Variants in PDSS2 observed in about 807,000 individuals in gnomAD.
The protein encoded by PDSS2 is all trans-polyprenyl-diphosphate synthase PDSS2.
PDSS2 carries 31 observed loss-of-function variants against 44.5 expected under a neutral mutation model. That is an observed-to-expected ratio of 0.70 (90% CI 0.52 to 0.94). PDSS2 has a LOEUF of 0.94. Ranked by LOEUF, PDSS2 falls within the 40% of genes least tolerant of loss-of-function variation. PDSS2 has a pLI of 0.00. For missense variants in PDSS2, 452 were observed against 482.2 expected (o/e 0.94, Z 0.59); for synonymous variants, 157 against 180.3 (o/e 0.87, Z 1.03).
At chr6:107,182,939 G>T (rs1263805438) in intron 7 of PDSS2, among the ~76,000 whole-genome samples, 1 of 152,160 alleles carries the variant, frequency 6.6e-6, no homozygotes, top group African/African-American at 2.4e-5. Context: ...GGCTGGTCAT[G>T]GTGGCTCACA....
intron 2 of PDSS2, among the ~76,000 whole-genome samples, chr6:107,294,449 A>G (rs1250871486): frequency 2.6e-5 from 4 of 151,870 alleles, no homozygotes; most frequent in Admixed American, 2.6e-4. Flanking sequence ...GTCTTTCTAT[A>G]TTGTCCAGGC....
At chr6:107,456,073 G>T (rs781547780) in intron 1 of PDSS2, among the ~76,000 whole-genome samples, 18 of 151,942 alleles carry the variant, frequency 1.2e-4, no homozygotes, top group African/African-American at 4.1e-4. Flanking sequence ...CTATAATCCC[G>T]GCACTTTGGG....
intron 2 of PDSS2, among the ~76,000 whole-genome samples, chr6:107,296,691 C>T (rs545619299): frequency 2.0e-5 from 3 of 152,284 alleles, no homozygotes; most frequent in South Asian, 4.2e-4. Flanking sequence ...TGTGCCATTG[C>T]ACTCCAGCCT....
intron 1 of PDSS2, among the ~76,000 whole-genome samples, chr6:107,376,337 A>G (rs1455688294): frequency 2.0e-5 from 3 of 151,808 alleles, no homozygotes; most frequent in Non-Finnish European, 4.4e-5. Flanking sequence ...CATTGAATCT[A>G]TAAATTACCT....
At chr6:107,222,652 C>CAAAAAAA (rs567984860) in intron 4 of PDSS2, among the ~76,000 whole-genome samples, 1 of 53,532 alleles carries the variant, frequency 1.9e-5, no homozygotes. Context: ...AAGACTGTCT[C>CAAAAAAA]AAAAAAAAAA....
intron 1 of PDSS2, among the ~76,000 whole-genome samples, chr6:107,375,137 G>C (rs1240177644): frequency 6.6e-6 from 1 of 151,626 alleles, no homozygotes; most frequent in East Asian, 1.9e-4. Context: ...TATTAGAAAA[G>C]AAAGATTTCA....
At chr6:107,350,230 GT>G (rs1198153977) in intron 1 of PDSS2, among the ~76,000 whole-genome samples, 1 of 152,156 alleles carries the variant, frequency 6.6e-6, no homozygotes, top group East Asian at 1.9e-4. Context: ...CCACAGCAAA[GT>G]TACACTTTCC....
chr6:107,170,866 GC>G (rs1554248414), intron 7 of PDSS2, among the ~76,000 whole-genome samples: 3 of 152,048 alleles, frequency 2.0e-5, no homozygotes, highest in African/African-American at 7.2e-5. Context: ...TCCCACCTCA[GC>G]CTCCCAAAGT....
chr6:107,383,740 A>G (rs1429008971), intron 1 of PDSS2, among the ~76,000 whole-genome samples: 1 of 152,230 alleles, frequency 6.6e-6, no homozygotes, highest in Non-Finnish European at 1.5e-5. Flanking sequence ...AATGACACCA[A>G]TTTACACCCA....
chr6:107,454,941 T>C (rs1583109004), intron 1 of PDSS2, among the ~76,000 whole-genome samples: 1 of 152,198 alleles, frequency 6.6e-6, no homozygotes, highest in African/African-American at 2.4e-5. Context: ...TATATACAGA[T>C]ACATATCCAC....
At position 107,170,743 on chromosome 6, in the gene PDSS2, G is replaced by A. The variant is rs146325988; in HGVS notation, c.1042-15966C>T. Among the ~76,000 whole-genome samples the A allele has an allele frequency of 7.9e-3, 1,205 of 152,110 alleles. 21 individuals carry two copies. The highest frequency in any genetic ancestry group is 0.028 in the African/African-American group (1,168 of 41,478). ...TTCTCTTGCCTCAGCCTCCTGGGTA[G>A]CTGGGATTACAGGCATGTGCCATGA... On this transcript the variant is annotated intron_variant, in intron 7 of 7. Coordinates refer to ENST00000369037, the MANE Select transcript of PDSS2 (RefSeq NM_020381.4).
intron 5 of PDSS2, 128 bp from the exon 6 acceptor site, chr6:107,210,698 T>C (rs1313880294): frequency 1.5e-6 from 1 of 673,938 alleles, no homozygotes; most frequent in Non-Finnish European, 2.6e-6. Context: ...TTAGATATAC[T>C]TTAATAAACA....
intron 1 of PDSS2, among the ~76,000 whole-genome samples, chr6:107,425,530 G>A (rs1045520121): frequency 1.3e-5 from 2 of 152,348 alleles, no homozygotes; most frequent in African/African-American, 4.8e-5. Context: ...GTGAACTAGA[G>A]AGAGATGATT....
At chr6:107,434,078 T>C (rs1381871362) in intron 1 of PDSS2, among the ~76,000 whole-genome samples, 1 of 152,184 alleles carries the variant, frequency 6.6e-6, no homozygotes, top group African/African-American at 2.4e-5. Context: ...CCAGTTAAAA[T>C]GGCTTTCATC....
At chr6:107,282,605 C>T (rs1274876172) in intron 2 of PDSS2, among the ~76,000 whole-genome samples, 4 of 151,598 alleles carry the variant, frequency 2.6e-5, no homozygotes, top group Non-Finnish European at 5.9e-5. Flanking sequence ...GTGGTTCATG[C>T]CTGTAATCCC....
Position 107,376,525 on chromosome 6 carries a change from T to C in PDSS2, c.297-42193A>G, listed in dbSNP as rs993970138. The stretch of plus-strand genomic sequence containing the variant: ...AAGTATTTTATTCTCTTTGAAGCAA[T>C]TGTGAATGGGGGTTCACTCATGATT... On this transcript the variant is annotated intron_variant, in intron 1 of 7. Coordinates refer to ENST00000369037, the MANE Select transcript of PDSS2 (RefSeq NM_020381.4). 6.6e-5 allele frequency among the ~76,000 whole-genome samples: 10 copies of C among 152,208 alleles called. No individual in the cohort carries two copies. In the East Asian group the frequency reaches 1.5e-3, roughly 23 times the overall value.
intron 6 of PDSS2, among the ~76,000 whole-genome samples, chr6:107,200,866 G>A (rs6911134): frequency 0.027 from 4,072 of 151,902 alleles, 186 homozygotes; most frequent in African/African-American, 0.092. Context: ...GGGTTTTGTC[G>A]TGTTAGCCAG....
chr6:107,219,331 A>G (rs1773522389), intron 4 of PDSS2, among the ~76,000 whole-genome samples: 1 of 152,150 alleles, frequency 6.6e-6, no homozygotes, highest in Non-Finnish European at 1.5e-5. Context: ...TCTGTCACCC[A>G]GGCTGGAGTG....
intron 1 of PDSS2, among the ~76,000 whole-genome samples, chr6:107,340,493 CT>C (rs1778047941): frequency 6.6e-6 from 1 of 152,220 alleles, no homozygotes; most frequent in Non-Finnish European, 1.5e-5. Flanking sequence ...CACTGTGGTA[CT>C]TTTCTATTTA....
Sources: allele counts gnomAD v4.1 joint callset (sites outside exome capture counted in the v4.1 genomes callset), GRCh38; gene constraint gnomAD v4.1.1; transcripts MANE v1.5; gene names NCBI Gene and HGNC (gene_info 2026-07-23, HGNC 2026-07-21).